VPS8: variants seen among roughly 807,000 people sequenced by gnomAD.
VPS8 encodes the protein vacuolar protein sorting-associated protein 8 homolog.
In VPS8, 129 loss-of-function variants were observed where a neutral mutation model predicts 216.4. The observed-to-expected ratio is 0.60, with a 90% CI of 0.52 to 0.69. The LOEUF (loss-of-function observed/expected upper bound fraction) is 0.69, where lower values mean the gene tolerates loss of function less well. VPS8 is among the 30% of genes least tolerant of loss of function. The pLI is 0.00. For synonymous variants in VPS8, 571 were observed against 565.4 expected, an observed-to-expected ratio of 1.01 and a Z score of -0.14; for missense variants, 1,531 against 1,683.5, an observed-to-expected ratio of 0.91 and a Z score of 1.59.
chr3:184,856,354 A>T (rs942377640), intron 14 of VPS8, among the ~76,000 whole-genome samples: 2 of 152,252 alleles, frequency 1.3e-5, no homozygotes, highest in African/African-American at 4.8e-5. Flanking sequence ...AGTGATTAGT[A>T]TGGACTAGAG....
At position 184,990,852 on chromosome 3, in the gene VPS8, A is replaced by G. The variant is rs372679484; in HGVS notation, c.3586-3131A>G. On this transcript the variant is annotated intron_variant, in intron 42 of 47. Coordinates refer to ENST00000625842, the MANE Select transcript of VPS8 (RefSeq NM_001009921.3). ...TTTTTCCAAAAGAAGTGGTCACATG[A>G]TAAGAGGTTCTCACAGATCTTCTTG... Among the ~76,000 whole-genome samples, 33 of 152,272 alleles carry G rather than the reference A, an allele frequency of 2.2e-4. No homozygotes were observed. The South Asian group carries it at 2.5e-3, about 11-fold the overall frequency.
In VPS8 at chr3:184,996,513, A is replaced by G. The variant is rs753985629; in HGVS notation, c.3836+12A>G. 1.6e-5 allele frequency: 26 copies of G among 1,597,144 alleles called. No individual in the cohort carries two copies. The highest frequency in any genetic ancestry group is 2.2e-5 in the Non-Finnish European group (26 of 1,171,386). ...ATAATTGTCTTTAGGTAAGAAAGGG[A>G]AGGAAATGTTACATGTATGGTACAT... On this transcript the variant is annotated intron_variant, in intron 44 of 47. Coordinates refer to ENST00000625842, the MANE Select transcript of VPS8 (RefSeq NM_001009921.3).
intron 23 of VPS8, among the ~76,000 whole-genome samples, chr3:184,898,127 CCATTTTG>C (rs139790992): frequency 0.036 from 5,514 of 152,150 alleles, 344 homozygotes; most frequent in African/African-American, 0.13. Context: ...AACTCACACG[CCATTTTG>C]TACCCCTACG....
chr3:184,976,069 T>C (rs1270786368), intron 40 of VPS8, among the ~76,000 whole-genome samples: 1 of 152,140 alleles, frequency 6.6e-6, no homozygotes, highest in East Asian at 1.9e-4. Context: ...AATGTTTAGC[T>C]CCCATTGTAA....
chr3:184,984,141 G>A (rs1750662568), intron 42 of VPS8, among the ~76,000 whole-genome samples: 1 of 96,802 alleles, frequency 1.0e-5, no homozygotes, highest in Non-Finnish European at 2.0e-5. Context: ...CCGAGATCGA[G>A]CCACTGCACT....
chr3:184,931,880 T>C (rs1393705059), intron 34 of VPS8, among the ~76,000 whole-genome samples: 1 of 152,180 alleles, frequency 6.6e-6, no homozygotes, highest in Non-Finnish European at 1.5e-5. Flanking sequence ...ATCTGCATTA[T>C]ACAGTGGTTT....
intron 20 of VPS8, among the ~76,000 whole-genome samples, chr3:184,870,288 C>G (rs746731743): frequency 1.1e-4 from 17 of 152,040 alleles, no homozygotes; most frequent in Non-Finnish European, 2.2e-4. Flanking sequence ...ATAGGATTCC[C>G]TCCCTTTTGT....
intron 44 of VPS8, 106 bp from the exon 45 acceptor site, chr3:184,999,590 A>C: frequency 2.2e-6 from 3 of 1,352,024 alleles, no homozygotes; most frequent in Non-Finnish European, 3.0e-6. Flanking sequence ...CCATCAGTGC[A>C]TTTCTACTTG....
chr3:184,882,659 G>A (rs536956837), intron 21 of VPS8, among the ~76,000 whole-genome samples: 105 of 152,056 alleles, frequency 6.9e-4, no homozygotes, highest in African/African-American at 2.4e-3. Context: ...TAAATGTTTG[G>A]TACAATTCTC....
In VPS8 at chr3:184,886,094, T is replaced by C; in HGVS notation, c.1735-16T>C. 1 of 1,606,150 alleles carries C rather than the reference T, an allele frequency of 6.2e-7. No homozygotes were observed. Among genetic ancestry groups the C allele is most frequent in the Non-Finnish European group, 8.5e-7 (1 of 1,176,018 alleles). Reference sequence around the variant, plus strand: ...AGGGTTGTGGGGCTGATGCTTTCTTTATGGTTCCTCTACAGGATATGGTGC... The same window carrying C: ...AGGGTTGTGGGGCTGATGCTTTCTTCATGGTTCCTCTACAGGATATGGTGC... On this transcript the variant is annotated splice_polypyrimidine_tract_variant and intron_variant, in intron 21 of 47. Coordinates refer to ENST00000625842, the MANE Select transcript of VPS8 (RefSeq NM_001009921.3).
At chr3:184,946,729 T>G (rs1743745541) in intron 36 of VPS8, among the ~76,000 whole-genome samples, 1 of 152,188 alleles carries the variant, frequency 6.6e-6, no homozygotes, top group African/African-American at 2.4e-5. Context: ...CACTACACAT[T>G]GCCATTCTTC....
rs9985409 is a variant in VPS8, at chr3:184,895,635, C to T, written c.2004+710C>T. Reference sequence around the variant, plus strand: ...TCCTCCCCCCCTCCTCCTCCCCCCCCCCCCACTCTCTTTTTTTTTTTAAAG... The same window carrying T: ...TCCTCCCCCCCTCCTCCTCCCCCCCTCCCCACTCTCTTTTTTTTTTTAAAG... On this transcript the variant is annotated intron_variant, in intron 23 of 47. Coordinates refer to ENST00000625842, the MANE Select transcript of VPS8 (RefSeq NM_001009921.3). 4.9e-3 allele frequency among the ~76,000 whole-genome samples: 49 copies of T among 10,102 alleles called. 16 individuals carry two copies. The highest frequency in any genetic ancestry group is 0.025 in the African/African-American group (27 of 1,098). 6.6% of individuals were successfully genotyped at this position (10,102 alleles called of 152,430 possible).
intron 25 of VPS8, chr3:184,901,189 G>A: frequency 2.0e-6 from 1 of 499,284 alleles, no homozygotes; most frequent in East Asian, 3.5e-5. Context: ...CCACAGCCCT[G>A]CTCTGGGCAG....
At chr3:184,922,974 T>C (rs563194543) in intron 29 of VPS8, among the ~76,000 whole-genome samples, 2 of 152,140 alleles carry the variant, frequency 1.3e-5, no homozygotes, top group East Asian at 3.9e-4. Context: ...TATATATATA[T>C]GAGATAGAGT....
At chr3:184,945,538 C>T (rs1053806987) in intron 36 of VPS8, among the ~76,000 whole-genome samples, 4 of 152,050 alleles carry the variant, frequency 2.6e-5, no homozygotes, top group East Asian at 1.9e-4. Flanking sequence ...GTCACCACAC[C>T]GCGCAGAAAC....
Position 184,993,537 on chromosome 3 carries a change from T to C in VPS8, c.3586-446T>C, listed in dbSNP as rs1192741919. Among the ~76,000 whole-genome samples, 10 of 152,184 alleles carry C rather than the reference T, an allele frequency of 6.6e-5. No individual in the cohort carries two copies. In the South Asian group the frequency reaches 1.9e-3, roughly 28 times the overall value. ...AACTGAGAGCTGTTTTCTCAGAACC[T>C]GTTTGTCTCCAAAACTGATGCAATT... On this transcript the variant is annotated intron_variant, in intron 42 of 47. Coordinates refer to ENST00000625842, the MANE Select transcript of VPS8 (RefSeq NM_001009921.3).
At chr3:184,981,264 G>A (rs1403949285) in intron 40 of VPS8, among the ~76,000 whole-genome samples, 1 of 152,088 alleles carries the variant, frequency 6.6e-6, no homozygotes, top group Admixed American at 6.5e-5. Context: ...TGAGGCAGTG[G>A]CTGCAGAGTC....
intron 14 of VPS8, among the ~76,000 whole-genome samples, chr3:184,858,146 C>G (rs904787772): frequency 6.6e-6 from 1 of 152,092 alleles, no homozygotes; most frequent in African/African-American, 2.4e-5. Flanking sequence ...GTATCTTGTG[C>G]TTTATATTTC....
chr3:185,020,897 C>T (rs561952203), intron 45 of VPS8, among the ~76,000 whole-genome samples: 5 of 152,226 alleles, frequency 3.3e-5, no homozygotes, highest in Admixed American at 3.3e-4. Context: ...CATGGTGAAA[C>T]CCCGTCTCTA....
Sources: gnomAD v4.1 joint callset for allele counts (sites outside exome capture counted in the v4.1 genomes callset) on GRCh38, gnomAD v4.1.1 for gene constraint, MANE v1.5 for transcripts, NCBI Gene and HGNC (gene_info 2026-07-23, HGNC 2026-07-21) for gene names.